ACTR3B: variants seen among roughly 807,000 people sequenced by gnomAD.
ACTR3B encodes the protein actin-related protein 3B.
In ACTR3B, 8 loss-of-function variants were observed where a neutral mutation model predicts 59.0. The ratio of observed to expected loss-of-function variants is 0.14; its 90% CI spans 0.08 to 0.24. The LOEUF (loss-of-function observed/expected upper bound fraction) is 0.24, where lower values mean the gene tolerates loss of function less well. Ranked by LOEUF, ACTR3B falls within the 10% of genes least tolerant of loss-of-function variation. The probability of loss-of-function intolerance (pLI) is 1.00; values close to 1 mark genes in which losing one functional copy is unlikely to be tolerated. For missense variants in ACTR3B, 245 were observed against 552.3 expected (o/e 0.44, Z 5.58); for synonymous variants, 148 against 197.9 (o/e 0.75, Z 2.12).
At chr7:152,773,027 A>G (rs1250974492) in intron 1 of ACTR3B, among the ~76,000 whole-genome samples, 1 of 152,112 alleles carries the variant, frequency 6.6e-6, no homozygotes, top group Non-Finnish European at 1.5e-5. Context: ...CTATTATGCT[A>G]AAAACAGACT....
chr7:152,841,846 C>A (rs1280536044), intron 9 of ACTR3B, among the ~76,000 whole-genome samples: 2 of 152,184 alleles, frequency 1.3e-5, no homozygotes, highest in African/African-American at 4.8e-5. Context: ...AGAGTGGCCC[C>A]TTGCCATCAC....
chr7:152,803,985 C>T lies in ACTR3B; in HGVS notation c.336+2254C>T, dbSNP rs190483645. Reference sequence around the variant, plus strand: ...CCAGGTGGAAAGATTTAAGACCAAGCCATCAAAGTGAATTGAAGACTTAAA... The same window carrying T: ...CCAGGTGGAAAGATTTAAGACCAAGTCATCAAAGTGAATTGAAGACTTAAA... On this transcript the variant is annotated intron_variant, in intron 4 of 11. Coordinates refer to ENST00000256001, the MANE Select transcript of ACTR3B (RefSeq NM_020445.6). 5.3e-5 allele frequency among the ~76,000 whole-genome samples: 8 copies of T among 152,236 alleles called. 1 individual carries two copies. Among genetic ancestry groups the T allele is most frequent in the Admixed American group, 5.2e-4 (8 of 15,292 alleles).
rs146671824 is a variant in ACTR3B, at chr7:152,852,813, A to T, written c.1077+562A>T. 5.3e-5 allele frequency among the ~76,000 whole-genome samples: 8 copies of T among 151,914 alleles called. No individual in the cohort carries two copies. In the East Asian group the frequency reaches 1.6e-3, roughly 30 times the overall value. On this transcript the variant is annotated intron_variant, in intron 10 of 11. Coordinates refer to ENST00000256001, the MANE Select transcript of ACTR3B (RefSeq NM_020445.6). The stretch of plus-strand genomic sequence containing the variant: ...TTTCTTTTTTTTCTTTTTTCTTGAG[A>T]CAGAGTCTCTCTCTGTCGCCCAGGC...
chr7:152,795,886 C>G (rs1457263946), intron 2 of ACTR3B, among the ~76,000 whole-genome samples: 1 of 151,846 alleles, frequency 6.6e-6, no homozygotes, highest in African/African-American at 2.4e-5. Flanking sequence ...CTCTGTCACC[C>G]AGGCTGGAGT....
chr7:152,759,761 C>G lies in ACTR3B; in HGVS notation c.-122C>G, dbSNP rs2098082869. 1.3e-6 allele frequency: 1 copy of G among 780,698 alleles called. No individual in the cohort carries two copies. Among genetic ancestry groups the G allele is most frequent in the South Asian group, 5.7e-5 (1 of 17,452 alleles). The allele number at this position is 780,698 out of a possible 1,614,324, so 48.4% of individuals were successfully genotyped here. A position where few individuals can be genotyped will look rare whatever the true frequency, so the allele number is the denominator to read the frequency against. ...GTGTCGGCCGCCGAGCATCCGGGCT[C>G]CCGGCAGCGGCGCTGCGGCGGCTCG... On this transcript the variant is annotated 5_prime_UTR_variant, in exon 1 of 12. Coordinates refer to ENST00000256001, the MANE Select transcript of ACTR3B (RefSeq NM_020445.6).
At position 152,824,894 on chromosome 7, in the gene ACTR3B, A is replaced by G. The variant is rs368854654; in HGVS notation, c.859-136A>G. On this transcript the variant is annotated intron_variant, in intron 8 of 11. Transcript: ENST00000256001. The surrounding 1 kb of genome is among the most constrained non-coding windows in gnomAD (Gnocchi z 4.2). ...TGTAGTCACATGGGATTCATTTGAC[A>G]TATCCTTCATTCCAATGTGAATTCT... The G allele has an allele frequency of 8.5e-5, 86 of 1,014,940 alleles. 1 individual carries two copies. In the South Asian group the frequency reaches 1.4e-3, roughly 16 times the overall value. 62.9% of individuals were successfully genotyped at this position (1,014,940 alleles called of 1,614,324 possible).
chr7:152,760,195 C>T lies in ACTR3B; in HGVS notation c.44+269C>T, dbSNP rs956233575. On this transcript the variant is annotated intron_variant, in intron 1 of 11. Transcript: ENST00000256001. ...TCTGAGCGAGCCCGGCGCTCCTCGC[C>T]TCCCCCGCCCACGTGGCCGGGCCCC... is the stretch of plus-strand genomic sequence containing the variant. Among the ~76,000 whole-genome samples the T allele has an allele frequency of 3.3e-5, 5 of 152,150 alleles. No individual in the cohort carries two copies. The East Asian group carries it at 7.7e-4, about 24-fold the overall frequency.
At chr7:152,794,893 C>A (rs1196432478) in intron 2 of ACTR3B, among the ~76,000 whole-genome samples, 2 of 152,180 alleles carry the variant, frequency 1.3e-5, no homozygotes, top group Non-Finnish European at 2.9e-5. Flanking sequence ...AATTTGATAT[C>A]TTTGAGACTT....
At chr7:152,780,775 G>A (rs1220246867) in intron 1 of ACTR3B, among the ~76,000 whole-genome samples, 1 of 151,648 alleles carries the variant, frequency 6.6e-6, no homozygotes, top group Admixed American at 6.6e-5. Context: ...GTGCACAGTG[G>A]GAAGAATGAA....
At chr7:152,822,525 C>T (rs972069691) in intron 7 of ACTR3B, among the ~76,000 whole-genome samples, 7 of 152,194 alleles carry the variant, frequency 4.6e-5, no homozygotes, top group Non-Finnish European at 7.3e-5. Flanking sequence ...CAGCAGCATC[C>T]TGGCGGCTTC....
At chr7:152,818,822 C>T (rs1479490720) in intron 6 of ACTR3B, among the ~76,000 whole-genome samples, 1 of 152,228 alleles carries the variant, frequency 6.6e-6, no homozygotes, top group Non-Finnish European at 1.5e-5. Context: ...ATTGGAATGT[C>T]TCATGTCTGG....
At chr7:152,817,285 G>T (rs1040367146) in intron 6 of ACTR3B, among the ~76,000 whole-genome samples, 1 of 152,064 alleles carries the variant, frequency 6.6e-6, no homozygotes, top group Admixed American at 6.5e-5. Context: ...GGAGGCTGAG[G>T]CAGGAGAATC....
At chr7:152,797,803 C>T (rs1325294693) in intron 2 of ACTR3B, among the ~76,000 whole-genome samples, 1 of 152,118 alleles carries the variant, frequency 6.6e-6, no homozygotes, top group African/African-American at 2.4e-5. Context: ...CTGTGCCTGG[C>T]TTATTTTACT....
intron 9 of ACTR3B, among the ~76,000 whole-genome samples, chr7:152,848,196 G>C (rs1414727927): frequency 1.3e-5 from 2 of 152,222 alleles, no homozygotes; most frequent in Non-Finnish European, 2.9e-5. Context: ...CAGTCGTCTT[G>C]GGAAGGATGA....
chr7:152,779,533 GC>G (rs2098145309), intron 1 of ACTR3B, among the ~76,000 whole-genome samples: 1 of 152,184 alleles, frequency 6.6e-6, no homozygotes, highest in African/African-American at 2.4e-5. Flanking sequence ...ATTGTTACTA[GC>G]TAGTAAACTG....
At chr7:152,799,153 A>G (rs1346181878) in intron 2 of ACTR3B, among the ~76,000 whole-genome samples, 1 of 152,236 alleles carries the variant, frequency 6.6e-6, no homozygotes, top group African/African-American at 2.4e-5. Flanking sequence ...ACAGAGTCGT[A>G]CTTTCATCAG....
intron 9 of ACTR3B, among the ~76,000 whole-genome samples, chr7:152,845,480 A>G (rs960271396): frequency 3.9e-5 from 6 of 152,200 alleles, no homozygotes; most frequent in African/African-American, 1.4e-4. Flanking sequence ...CAGAGTGCTG[A>G]CCGCAAGGAG....
rs1160938313 is a variant in ACTR3B at position 152,854,435 on chromosome 7, T to A, written c.1162-23T>A. The A allele has an allele frequency of 6.2e-7, 1 of 1,605,752 alleles. No individual in the cohort carries two copies. Among genetic ancestry groups the A allele is most frequent in the Non-Finnish European group, 8.5e-7 (1 of 1,172,384 alleles). ...CTTTCTTCTGAAATGAGTGTCTTTC[T>A]GTCTGCCTGTTGCCTCTCGTAGCCC... On this transcript the variant is annotated intron_variant, in intron 11 of 11. Coordinates refer to ENST00000256001, the MANE Select transcript of ACTR3B (RefSeq NM_020445.6). The surrounding 1 kb of genome is among the most constrained non-coding windows in gnomAD (Gnocchi z 4.9).
rs1386027101 is a variant in ACTR3B, at chr7:152,759,857, G to A, written c.-26G>A. ...GACGGGGCGCTCTCGGGCTGCCGGC[G>A]GGGCCGAGCGCCGCGCGTCCCGAGC... On this transcript the variant is annotated 5_prime_UTR_variant, in exon 1 of 12. Coordinates refer to ENST00000256001, the MANE Select transcript of ACTR3B (RefSeq NM_020445.6). The A allele has an allele frequency of 4.7e-6, 6 of 1,267,138 alleles. No individual in the cohort carries two copies. Among genetic ancestry groups the A allele is most frequent in the East Asian group, 3.2e-5 (1 of 31,092 alleles). The allele number at this position is 1,267,138 out of a possible 1,614,324, so 78.5% of individuals were successfully genotyped here.
Sources: gnomAD v4.1 joint callset for allele counts (sites outside exome capture counted in the v4.1 genomes callset) on GRCh38, gnomAD v4.1.1 for gene constraint, Gnocchi (gnomAD v3.1) non-coding constraint, MANE v1.5 for transcripts, NCBI Gene and HGNC (gene_info 2026-07-23, HGNC 2026-07-21) for gene names.